SLC2A9: variants seen among roughly 807,000 people sequenced by gnomAD.
The protein encoded by SLC2A9 is solute carrier family 2, facilitated glucose transporter member 9.
A neutral mutation model predicts 50.6 loss-of-function variants in SLC2A9; 39 were observed. That is an observed-to-expected ratio of 0.77 (90% confidence interval 0.60 to 1.01). The LOEUF (loss-of-function observed/expected upper bound fraction) is 1.01. SLC2A9 is among the 50% of genes least tolerant of loss of function. The pLI is 0.00. For synonymous variants in SLC2A9, 324 were observed against 276.9 expected (o/e 1.17, Z -1.69); for missense variants, 686 against 677.6 (o/e 1.01, Z -0.14).
intron 3 of SLC2A9, among the ~76,000 whole-genome samples, chr4:9,814,069 G>A (rs189275946): frequency 2.6e-5 from 4 of 152,354 alleles, no homozygotes; most frequent in Admixed American, 6.5e-5. Flanking sequence ...GAACCTGAGA[G>A]GCGGAGGTTG....
At chr4:9,999,835 GGCACT>G (rs1759455119) in intron 2 of SLC2A9, among the ~76,000 whole-genome samples, 1 of 152,120 alleles carries the variant, frequency 6.6e-6, no homozygotes, top group Non-Finnish European at 1.5e-5. Flanking sequence ...ACACTTGGGG[GGCACT>G]GCAGTGGTCC....
At chr4:9,997,284 C>G (rs1305150021) in intron 2 of SLC2A9, among the ~76,000 whole-genome samples, 1 of 152,080 alleles carries the variant, frequency 6.6e-6, no homozygotes, top group Non-Finnish European at 1.5e-5. Flanking sequence ...GACAAAGTGA[C>G]TTGCTAGGTA....
chr4:9,971,448 A>C (rs747832032), intron 5 of SLC2A9, among the ~76,000 whole-genome samples: 108 of 152,352 alleles, frequency 7.1e-4, no homozygotes, highest in Admixed American at 1.7e-3. Flanking sequence ...TACAGAATAG[A>C]CAAAAACTTA....
intron 7 of SLC2A9, among the ~76,000 whole-genome samples, chr4:9,913,358 A>T (rs1283400622): frequency 1.3e-5 from 2 of 148,668 alleles, no homozygotes; most frequent in African/African-American, 5.1e-5. Flanking sequence ...AGAGAGAGAC[A>T]GAGAGAGAGA....
intron 6 of SLC2A9, among the ~76,000 whole-genome samples, chr4:9,930,108 C>T (rs896966687): frequency 6.6e-6 from 1 of 152,154 alleles, no homozygotes; most frequent in African/African-American, 2.4e-5. Context: ...TGCTGTCCTC[C>T]CCGCAAATCC....
chr4:9,906,628 C>A (rs561666496), intron 8 of SLC2A9, among the ~76,000 whole-genome samples: 2 of 152,198 alleles, frequency 1.3e-5, no homozygotes, highest in Non-Finnish European at 2.9e-5. Context: ...TAGGTAATTT[C>A]TTCTTTGTTC....
intron 9 of SLC2A9, among the ~76,000 whole-genome samples, chr4:9,889,469 T>C (rs1008803862): frequency 6.6e-5 from 10 of 152,228 alleles, no homozygotes; most frequent in African/African-American, 2.4e-4. Flanking sequence ...CTGAGAACTT[T>C]GAAGGACTGT....
intron 5 of SLC2A9, among the ~76,000 whole-genome samples, chr4:9,956,051 G>A (rs112770463): frequency 0.48 from 73,136 of 150,946 alleles, 19,009 homozygotes; most frequent in African/African-American, 0.67. Context: ...CTAATTTTTC[G>A]TATTTTTAGT....
chr4:9,896,984 C>T (rs950220399), intron 8 of SLC2A9, among the ~76,000 whole-genome samples: 11 of 152,042 alleles, frequency 7.2e-5, no homozygotes, highest in East Asian at 3.8e-4. Context: ...GGAATGGTTC[C>T]GGCTGCTTTA....
At chr4:9,782,125 G>A (rs565962667) in intron 3 of SLC2A9, 118 of 1,551,000 alleles carry the variant, frequency 7.6e-5, no homozygotes, top group Admixed American at 3.3e-4. Flanking sequence ...GCTCGGCGGG[G>A]GCACCGCCAC....
chr4:10,003,696 A>G (rs2109354251), intron 2 of SLC2A9, among the ~76,000 whole-genome samples: 1 of 152,332 alleles, frequency 6.6e-6, no homozygotes, highest in Admixed American at 6.5e-5. Context: ...CACTGCACTA[A>G]CATTCCCCAA....
At chr4:9,800,772 T>C (rs1056948402) in intron 3 of SLC2A9, among the ~76,000 whole-genome samples, 9 of 152,184 alleles carry the variant, frequency 5.9e-5, no homozygotes, top group African/African-American at 2.2e-4. Context: ...AATCTGGAGA[T>C]GATTTAAAGT....
chr4:9,775,558 C>G (rs1051047266), downstream of SLC2A9, among the ~76,000 whole-genome samples: 10 of 151,922 alleles, frequency 6.6e-5, no homozygotes, highest in Non-Finnish European at 1.0e-4. Flanking sequence ...GGGTAGATCC[C>G]CCATGGCTTG....
At chr4:10,024,300 T>G (rs959045536), upstream of SLC2A9, among the ~76,000 whole-genome samples, 6 of 152,162 alleles carry the variant, frequency 3.9e-5, no homozygotes, top group Admixed American at 2.0e-4. Flanking sequence ...CAGATTCACA[T>G]GTTGAAGTCC....
At chr4:9,812,426 C>A (rs557474093) in intron 3 of SLC2A9, among the ~76,000 whole-genome samples, 2 of 151,620 alleles carry the variant, frequency 1.3e-5, no homozygotes, top group South Asian at 4.2e-4. Context: ...TCCTATCCTG[C>A]AGTCTTGTTG....
At chr4:9,832,420 C>T (rs1560166212) in intron 11 of SLC2A9, among the ~76,000 whole-genome samples, 1 of 152,200 alleles carries the variant, frequency 6.6e-6, no homozygotes, top group Non-Finnish European at 1.5e-5. Context: ...TGACATTTCA[C>T]AAAATACTAA....
chr4:10,003,486 C>T (rs1031055958), intron 2 of SLC2A9, among the ~76,000 whole-genome samples: 8 of 152,178 alleles, frequency 5.3e-5, no homozygotes, highest in Admixed American at 1.3e-4. Context: ...CCTCTATAGA[C>T]TCTGGAGGGG....
intron 11 of SLC2A9, among the ~76,000 whole-genome samples, chr4:9,828,128 T>C (rs764450781): frequency 2.0e-5 from 3 of 152,170 alleles, no homozygotes; most frequent in Non-Finnish European, 4.4e-5. Flanking sequence ...TCCATCCTTC[T>C]GATTGATTAT....
chr4:10,026,453 G>A (rs7697004), upstream of SLC2A9, among the ~76,000 whole-genome samples: 48,939 of 151,952 alleles, frequency 0.32, 9,152 homozygotes, highest in African/African-American at 0.51. Flanking sequence ...GTGGGAAAAA[G>A]TTTGCTTGTT....
Sources: allele counts gnomAD v4.1 joint callset (sites outside exome capture counted in the v4.1 genomes callset), GRCh38; gene constraint gnomAD v4.1.1; transcripts MANE v1.5; gene names NCBI Gene and HGNC (gene_info 2026-07-23, HGNC 2026-07-21).